LRRC28: variants seen among roughly 807,000 people sequenced by gnomAD.
LRRC28 encodes the protein leucine-rich repeat-containing protein 28.
In LRRC28, 39 loss-of-function variants were observed where a neutral mutation model predicts 45.7. The observed-to-expected ratio is 0.85, with a 90% CI of 0.66 to 1.12. The LOEUF (loss-of-function observed/expected upper bound fraction) is 1.12, where lower values mean the gene tolerates loss of function less well. LRRC28 is among the 50% of genes most tolerant of loss of function. The probability of loss-of-function intolerance (pLI) is 0.00; values close to 1 mark genes in which losing one functional copy is unlikely to be tolerated. For synonymous variants in LRRC28, 206 were observed against 178.8 expected (o/e 1.15, Z -1.22); for missense variants, 435 against 438.5 (o/e 0.99, Z 0.07).
At chr15:99,307,053 T>C (rs1399173541) in intron 5 of LRRC28, among the ~76,000 whole-genome samples, 2 of 152,246 alleles carry the variant, frequency 1.3e-5, no homozygotes, top group African/African-American at 2.4e-5. Flanking sequence ...GGCCAGCTGT[T>C]CACTCTGGTG....
At chr15:99,285,773 A>G (rs1237482138) in intron 3 of LRRC28, 1 of 510,324 alleles carries the variant, frequency 2.0e-6, no homozygotes, top group Non-Finnish European at 3.7e-6. Flanking sequence ...TATAGGTGGA[A>G]CTTGAATTGA....
At chr15:99,317,214 A>C (rs1224274796) in intron 5 of LRRC28, among the ~76,000 whole-genome samples, 1 of 152,226 alleles carries the variant, frequency 6.6e-6, no homozygotes, top group African/African-American at 2.4e-5. Flanking sequence ...AAAAAATATT[A>C]GAGCTACTAT....
chr15:99,380,218 C>T (rs969348392), intron 9 of LRRC28, among the ~76,000 whole-genome samples: 2 of 152,174 alleles, frequency 1.3e-5, no homozygotes, highest in African/African-American at 2.4e-5. Context: ...AATCTGGGTG[C>T]TCCTGTTGTG....
chr15:99,365,220 CT>C (rs1957307912), intron 9 of LRRC28, among the ~76,000 whole-genome samples: 1 of 152,102 alleles, frequency 6.6e-6, no homozygotes, highest in African/African-American at 2.4e-5. Flanking sequence ...TTTAATTTCC[CT>C]GCTACAACTT....
chr15:99,272,210 G>C (rs575359382), intron 2 of LRRC28, among the ~76,000 whole-genome samples: 2 of 152,328 alleles, frequency 1.3e-5, no homozygotes, highest in African/African-American at 4.8e-5. Flanking sequence ...CTGAGTCCTA[G>C]TGGCTTGTAA....
At chr15:99,329,581 G>A (rs566410156) in intron 5 of LRRC28, among the ~76,000 whole-genome samples, 1 of 152,304 alleles carries the variant, frequency 6.6e-6, no homozygotes, top group Admixed American at 6.5e-5. Flanking sequence ...TTATTACAAT[G>A]TTAACTTTGG....
intron 5 of LRRC28, among the ~76,000 whole-genome samples, chr15:99,297,925 A>G (rs2082306865): frequency 6.6e-6 from 1 of 152,106 alleles, no homozygotes; most frequent in Admixed American, 6.5e-5. Context: ...TGTTTTCTGA[A>G]CGATGTGTCC....
At chr15:99,259,824 A>G in intron 2 of LRRC28, 2 of 866,120 alleles carry the variant, frequency 2.3e-6, no homozygotes, top group South Asian at 1.3e-5. Context: ...ACACTAAAGC[A>G]TATGGAGATA....
At chr15:99,325,549 T>C (rs12591088) in intron 5 of LRRC28, among the ~76,000 whole-genome samples, 15,898 of 152,258 alleles carry the variant, frequency 0.1, 1,164 homozygotes, top group East Asian at 0.31. Context: ...CTGTCACCAT[T>C]AACGTAGTGT....
chr15:99,258,989 G>A (rs2081111384), intron 2 of LRRC28: 1 of 764,266 alleles, frequency 1.3e-6, no homozygotes, highest in Non-Finnish European at 2.4e-6. Flanking sequence ...ACTGCTTAAG[G>A]TGATTAGGAA....
intron 8 of LRRC28, 99 bp downstream of exon 8, chr15:99,361,610 TGTG>T (rs1247612017): frequency 1.3e-5 from 16 of 1,219,144 alleles, no homozygotes; most frequent in East Asian, 2.4e-5. Context: ...AAAAAATTAT[TGTG>T]GTAAAATACA....
intron 7 of LRRC28, among the ~76,000 whole-genome samples, chr15:99,354,296 C>G (rs944276272): frequency 6.6e-6 from 1 of 152,194 alleles, no homozygotes; most frequent in Non-Finnish European, 1.5e-5. Context: ...ACTTCTATGG[C>G]AAAATGTGCT....
At chr15:99,296,100 A>G (rs530488151) in intron 5 of LRRC28, among the ~76,000 whole-genome samples, 30 of 152,196 alleles carry the variant, frequency 2.0e-4, no homozygotes, top group African/African-American at 7.0e-4. Flanking sequence ...GTTGCTTACT[A>G]CCCTGTTGTT....
intron 3 of LRRC28, among the ~76,000 whole-genome samples, chr15:99,278,251 A>T (rs986346275): frequency 2.0e-5 from 3 of 151,716 alleles, no homozygotes; most frequent in Non-Finnish European, 2.9e-5. Flanking sequence ...TTTCTTTTTT[A>T]AAAAAAAATT....
intron 2 of LRRC28, chr15:99,258,444 A>C (rs1435218532): frequency 2.5e-5 from 22 of 867,106 alleles, no homozygotes; most frequent in Non-Finnish European, 3.7e-5. Context: ...CACAGTTCAT[A>C]AACTTTCCTA....
chr15:99,277,451 C>T (rs1338133096), intron 3 of LRRC28, among the ~76,000 whole-genome samples: 5 of 152,078 alleles, frequency 3.3e-5, no homozygotes, highest in Non-Finnish European at 5.9e-5. Context: ...TGTCTCCTAC[C>T]CCTCTGCCCC....
At chr15:99,375,403 A>T (rs190085863) in intron 9 of LRRC28, among the ~76,000 whole-genome samples, 2 of 152,202 alleles carry the variant, frequency 1.3e-5, no homozygotes, top group Non-Finnish European at 1.5e-5. Flanking sequence ...ATCTTTGTTC[A>T]TGAAAGATAC....
chr15:99,260,617 T>C (rs1238022555), intron 2 of LRRC28, among the ~76,000 whole-genome samples: 1 of 152,232 alleles, frequency 6.6e-6, no homozygotes, highest in Non-Finnish European at 1.5e-5. Flanking sequence ...ATCAGATATA[T>C]GACAGCTTAC....
At chr15:99,382,457 G>C (rs192194293) in intron 9 of LRRC28, among the ~76,000 whole-genome samples, 4 of 152,308 alleles carry the variant, frequency 2.6e-5, no homozygotes, top group East Asian at 1.9e-4. Flanking sequence ...TCTTGGAACC[G>C]CCGAAAATTT....
Sources: gnomAD v4.1 joint callset for allele counts (sites outside exome capture counted in the v4.1 genomes callset) on GRCh38, gnomAD v4.1.1 for gene constraint, MANE v1.5 for transcripts, NCBI Gene and HGNC (gene_info 2026-07-23, HGNC 2026-07-21) for gene names.